Variants in FBN3 observed in about 807,000 individuals in gnomAD.
The protein encoded by FBN3 is fibrillin-3.
In FBN3, 234 loss-of-function variants were observed where a neutral mutation model predicts 330.1. The ratio of observed to expected loss-of-function variants is 0.71; its 90% CI spans 0.64 to 0.79. The LOEUF (loss-of-function observed/expected upper bound fraction) is 0.79, where lower values mean the gene tolerates loss of function less well. Ranked by LOEUF, FBN3 falls within the 30% of genes least tolerant of loss-of-function variation. FBN3 has a pLI of 0.00. For synonymous variants in FBN3, 1,458 were observed against 1,517.3 expected, an observed-to-expected ratio of 0.96 and a Z score of 0.91; for missense variants, 3,606 against 3,886.9, an observed-to-expected ratio of 0.93 and a Z score of 1.92.
intron 40 of FBN3, among the ~76,000 whole-genome samples, chr19:8,102,134 C>A (rs2082340182): frequency 6.6e-6 from 1 of 152,176 alleles, no homozygotes; most frequent in Non-Finnish European, 1.5e-5. Context: ...GCTTTTGCTC[C>A]TCCTTCACCT....
chr19:8,087,975 G>C, intron 52 of FBN3, 28 bp from the exon 53 acceptor site: 1 of 1,614,116 alleles, frequency 6.2e-7, no homozygotes, highest in Non-Finnish European at 8.5e-7. Context: ...GGTGCCAGCT[G>C]GGTAGGGACT....
At chr19:8,136,580 C>T in intron 10 of FBN3, 49 bp from the exon 11 acceptor site, 1 of 1,605,880 alleles carries the variant, frequency 6.2e-7, no homozygotes, top group Non-Finnish European at 8.5e-7. Flanking sequence ...GGCCCCGCCC[C>T]AGTCTGGAGC....
At chr19:8,073,578 T>G (rs1022285758) in intron 61 of FBN3, among the ~76,000 whole-genome samples, 1 of 152,220 alleles carries the variant, frequency 6.6e-6, no homozygotes, top group Non-Finnish European at 1.5e-5. Context: ...CTATTGACAC[T>G]TGGGGCCAGA....
In FBN3 at chr19:8,073,317, G is replaced by C. The variant is rs769647173; in HGVS notation, c.7703-20C>G. 1.9e-6 allele frequency: 3 copies of C among 1,599,700 alleles called. No individual in the cohort carries two copies. The highest frequency in any genetic ancestry group is 2.6e-6 in the Non-Finnish European group (3 of 1,168,836). On this transcript the variant is annotated intron_variant, in intron 61 of 63. Coordinates refer to ENST00000600128, the MANE Select transcript of FBN3 (RefSeq NM_032447.5). ...TCTCATCTGTGGGAGGAAAGGAGGA[G>C]GAGAGGGAGGACGCAGAGGTGGGGC...
At chr19:8,083,468 A>T in intron 56 of FBN3, 96 bp from the exon 57 acceptor site, 1 of 1,459,482 alleles carries the variant, frequency 6.9e-7, no homozygotes, top group Non-Finnish European at 9.4e-7. Context: ...GTCTCCTCGG[A>T]GGAAAGTCCA....
rs567876790 is a variant in FBN3, at chr19:8,134,661, C to T, written c.1591+1300G>A. 3.3e-4 allele frequency among the ~76,000 whole-genome samples: 50 copies of T among 152,230 alleles called. No homozygotes were observed. The East Asian group carries it at 8.1e-3, about 25-fold the overall frequency. ...AAAAAAATAAATACATGGCCGGGCG[C>T]AATGGCTCACGCCTGTAATCTCAGC... is the stretch of plus-strand genomic sequence containing the variant. On this transcript the variant is annotated intron_variant, in intron 13 of 63. Coordinates refer to ENST00000600128, the MANE Select transcript of FBN3 (RefSeq NM_032447.5).
intron 54 of FBN3, 93 bp downstream of exon 54, chr19:8,086,984 G>A (rs2081977256): frequency 2.1e-6 from 3 of 1,459,872 alleles, no homozygotes; most frequent in Non-Finnish European, 2.7e-6. Flanking sequence ...GGGATGACAG[G>A]TATGAGTCAC....
chr19:8,144,518 A>G (rs532857465), intron 6 of FBN3, among the ~76,000 whole-genome samples: 1 of 151,772 alleles, frequency 6.6e-6, no homozygotes, highest in Non-Finnish European at 1.5e-5. Flanking sequence ...ACTCCCTTCC[A>G]TGGAGCAGAT....
At chr19:8,102,515 G>C (rs2082348943) in intron 40 of FBN3, among the ~76,000 whole-genome samples, 1 of 152,120 alleles carries the variant, frequency 6.6e-6, no homozygotes. Context: ...ACCACACCCA[G>C]CCAAACCTCT....
At chr19:8,146,367 C>A (rs1235093659) in intron 3 of FBN3, 142 bp from the exon 4 acceptor site, 1 of 704,068 alleles carries the variant, frequency 1.4e-6, no homozygotes, top group East Asian at 2.7e-5. Flanking sequence ...GCACACCCCA[C>A]CCCTGTTTTC....
rs769762222 is a variant in FBN3 at position 8,111,693 on chromosome 19, A to T, written c.4039T>A (p.Cys1347Ser). The change falls in exon 32 of 64, where the codon TGC (cysteine) becomes AGC (serine). Residue 1347 changes from cysteine (C) to serine (S), a missense_variant. Physicochemically the swap from Cys to Ser is moderately radical, Grantham distance 112. Coordinates refer to ENST00000600128, the MANE Select transcript of FBN3 (RefSeq NM_032447.5). ...CCGGCAAAGCCCTGGCGGCAGGTGC[A>T]GCGGTAGGAGCCAGGGACATTGAGA... is the stretch of plus-strand genomic sequence containing the variant. Reference protein sequence around the residue: ...DCLNVPGSYRCTCRQGFAGDG... With the variant: ...DCLNVPGSYRSTCRQGFAGDG... 1.3e-6 allele frequency: 2 copies of T among 1,548,236 alleles called. No individual in the cohort carries two copies. Among genetic ancestry groups the T allele is most frequent in the African/African-American group, 1.4e-5 (1 of 70,560 alleles).
Position 8,083,378 on chromosome 19 carries a change from A to G in FBN3, c.7088-6T>C. 1 of 1,613,604 alleles carries G rather than the reference A, an allele frequency of 6.2e-7. No homozygotes were observed. Among genetic ancestry groups the G allele is most frequent in the Non-Finnish European group, 8.5e-7 (1 of 1,179,888 alleles). ...CATACGGCATTCATCTACATCTGGG[A>G]AAAAGTAGGGTGCAAATGGGGCTGG... On this transcript the variant is annotated splice_region_variant and splice_polypyrimidine_tract_variant and intron_variant, in intron 56 of 63. Coordinates refer to ENST00000600128, the MANE Select transcript of FBN3 (RefSeq NM_032447.5).
chr19:8,111,628 T>TC lies in FBN3; in HGVS notation c.4084+19dup. Reference sequence around the variant, plus strand: ...GGCTGTCCCTCTAGGGCCCCTGCCCTCCCACCCCTCTAATCTCACCTTCGC... The same window carrying TC: ...GGCTGTCCCTCTAGGGCCCCTGCCCTCCCCACCCCTCTAATCTCACCTTCGC... On this transcript the variant is annotated intron_variant, in intron 32 of 63. Coordinates refer to ENST00000600128, the MANE Select transcript of FBN3 (RefSeq NM_032447.5). The TC allele has an allele frequency of 2.3e-6, 2 of 879,348 alleles. No individual in the cohort carries two copies. The highest frequency in any genetic ancestry group is 2.1e-5 in the African/African-American group (1 of 47,126). 54.5% of individuals were successfully genotyped at this position (879,348 alleles called of 1,614,324 possible).
At chr19:8,077,728 C>A (rs559471711) in intron 59 of FBN3, among the ~76,000 whole-genome samples, 2 of 152,096 alleles carry the variant, frequency 1.3e-5, no homozygotes, top group Admixed American at 6.6e-5. Flanking sequence ...GTGGCCCCTG[C>A]GGCTGCCTGA....
At chr19:8,100,480 G>A (rs1302343518) in intron 41 of FBN3, among the ~76,000 whole-genome samples, 2 of 152,028 alleles carry the variant, frequency 1.3e-5, no homozygotes, top group Non-Finnish European at 2.9e-5. Context: ...TGGGATTACA[G>A]GCATGCACCA....
intron 13 of FBN3, 25 bp downstream of exon 13, chr19:8,135,936 G>GCCCCCCCC: frequency 6.0e-6 from 4 of 668,778 alleles, no homozygotes; most frequent in South Asian, 4.9e-5. Context: ...GGAAGCCCCT[G>GCCCCCCCC]CCCACCCGCC....
intron 41 of FBN3, among the ~76,000 whole-genome samples, chr19:8,100,547 A>G (rs1350023217): frequency 3.3e-5 from 5 of 152,160 alleles, no homozygotes; most frequent in African/African-American, 1.2e-4. Context: ...CATGTTGGCT[A>G]GGCTGGTCTC....
intron 50 of FBN3, 102 bp from the exon 51 acceptor site, chr19:8,089,772 G>C (rs1216682838): frequency 1.9e-6 from 3 of 1,564,472 alleles, no homozygotes; most frequent in Non-Finnish European, 2.6e-6. Flanking sequence ...CAAGCCCCAG[G>C]CTGGCAGGGT....
At chr19:8,105,422 T>TA in intron 38 of FBN3, among the ~76,000 whole-genome samples, 1 of 151,908 alleles carries the variant, frequency 6.6e-6, no homozygotes, top group South Asian at 2.1e-4. Context: ...CATGCCCAGC[T>TA]ATTTTTTTAA....
Sources: allele counts gnomAD v4.1 joint callset (sites outside exome capture counted in the v4.1 genomes callset), GRCh38; gene constraint gnomAD v4.1.1; transcripts MANE v1.5; gene names NCBI Gene and HGNC (gene_info 2026-07-23, HGNC 2026-07-21).